The following CGNL1 variants were observed in gnomAD, a reference collection of about 807,000 sequenced individuals.
The protein encoded by CGNL1 is cingulin like 1.
CGNL1 carries 132 observed loss-of-function variants against 141.2 expected under a neutral mutation model. The ratio of observed to expected loss-of-function variants is 0.93; its 90% CI spans 0.81 to 1.08. The LOEUF (loss-of-function observed/expected upper bound fraction) is 1.08, where lower values mean the gene tolerates loss of function less well. Ranked by LOEUF, CGNL1 falls within the 50% of genes least tolerant of loss-of-function variation. CGNL1 has a pLI of 0.00. For missense variants in CGNL1, 1,870 were observed against 1,588.6 expected (o/e 1.18, Z -3.01); for synonymous variants, 690 against 622.1 (o/e 1.11, Z -1.63).
intron 4 of CGNL1, among the ~76,000 whole-genome samples, chr15:57,446,432 C>T (rs1286621280): frequency 1.3e-5 from 2 of 151,996 alleles, no homozygotes; most frequent in Admixed American, 6.5e-5. Context: ...GTAGTTTTGC[C>T]TTTCTTGAAT....
chr15:57,389,311 C>T (rs2062517356), intron 1 of CGNL1, among the ~76,000 whole-genome samples: 1 of 151,940 alleles, frequency 6.6e-6, no homozygotes, highest in Admixed American at 6.6e-5. Flanking sequence ...AAAAACAAAC[C>T]AAAAAAACCT....
chr15:57,458,466 C>T (rs962573812), intron 7 of CGNL1, among the ~76,000 whole-genome samples: 1 of 152,172 alleles, frequency 6.6e-6, no homozygotes, highest in African/African-American at 2.4e-5. Flanking sequence ...AACAGCATGT[C>T]GTTGCAGAAT....
At chr15:57,470,224 G>A (rs1027630772) in intron 8 of CGNL1, among the ~76,000 whole-genome samples, 128 of 137,402 alleles carry the variant, frequency 9.3e-4, no homozygotes, top group African/African-American at 3.2e-3. Flanking sequence ...GAAGATTCAA[G>A]GCTAAAAAAA....
At chr15:57,454,389 TTCTC>T (rs1391408714) in intron 7 of CGNL1, among the ~76,000 whole-genome samples, 2 of 152,224 alleles carry the variant, frequency 1.3e-5, no homozygotes, top group African/African-American at 4.8e-5. Flanking sequence ...CTTAGGTGTT[TTCTC>T]TCTCCCTTAC....
chr15:57,442,863 C>T (rs1294994711), intron 4 of CGNL1, among the ~76,000 whole-genome samples: 1 of 152,208 alleles, frequency 6.6e-6, no homozygotes, highest in East Asian at 1.9e-4. Flanking sequence ...AAGCAATCCA[C>T]TCACGTTGGC....
intron 16 of CGNL1, among the ~76,000 whole-genome samples, chr15:57,545,037 G>A (rs1464242476): frequency 1.3e-5 from 2 of 152,188 alleles, no homozygotes; most frequent in African/African-American, 4.8e-5. Flanking sequence ...CTCCCGCAGT[G>A]TGTGGGAGGG....
At chr15:57,387,676 A>G (rs924917686) in intron 1 of CGNL1, among the ~76,000 whole-genome samples, 1 of 152,224 alleles carries the variant, frequency 6.6e-6, no homozygotes, top group African/African-American at 2.4e-5. Flanking sequence ...AAAGCTTCCC[A>G]CAATGAGAAG....
chr15:57,426,912 C>G (rs1238071919), intron 1 of CGNL1, among the ~76,000 whole-genome samples: 3 of 152,048 alleles, frequency 2.0e-5, no homozygotes, highest in African/African-American at 7.2e-5. Flanking sequence ...GCCAGGGAGC[C>G]TGGGGCAGAA....
At chr15:57,534,618 C>T (rs1280937978) in intron 14 of CGNL1, among the ~76,000 whole-genome samples, 2 of 152,184 alleles carry the variant, frequency 1.3e-5, no homozygotes, top group Non-Finnish European at 2.9e-5. Context: ...GGGCCGTGTG[C>T]CTGTGCTTTC....
chr15:57,523,268 T>A (rs541152632), intron 10 of CGNL1, among the ~76,000 whole-genome samples: 3 of 152,358 alleles, frequency 2.0e-5, no homozygotes, highest in African/African-American at 7.2e-5. Context: ...CCTTCATTCC[T>A]GTGGATGTTT....
At chr15:57,391,413 A>G (rs2062541638) in intron 1 of CGNL1, among the ~76,000 whole-genome samples, 1 of 152,184 alleles carries the variant, frequency 6.6e-6, no homozygotes. Flanking sequence ...GAGGAAGAAA[A>G]GGCTCTAGCC....
chr15:57,524,561 A>G lies in CGNL1; in HGVS notation c.2869-20A>G. ...TCAGAGCATCCCAGGGTGGGCTCACACCCGTGTCACTTCTTCTAGATGGCA... is the reference window on the plus strand; with the variant it reads ...TCAGAGCATCCCAGGGTGGGCTCACGCCCGTGTCACTTCTTCTAGATGGCA... On this transcript the variant is annotated intron_variant, in intron 11 of 18. Transcript: ENST00000281282. 1 of 1,606,630 alleles carries G rather than the reference A, an allele frequency of 6.2e-7. No individual in the cohort carries two copies.
intron 18 of CGNL1, among the ~76,000 whole-genome samples, chr15:57,547,053 A>G (rs1195254717): frequency 1.3e-5 from 2 of 152,244 alleles, no homozygotes; most frequent in Non-Finnish European, 2.9e-5. Context: ...TCCATGGTGA[A>G]CAAGATACCA....
At chr15:57,404,926 T>C (rs1159715624) in intron 1 of CGNL1, 2 of 152,228 alleles carry the variant, frequency 1.3e-5, no homozygotes, top group Non-Finnish European at 2.9e-5. Context: ...TGTGTAATCT[T>C]GGATAAGAAA....
chr15:57,437,494 G>A (rs1409536390), intron 1 of CGNL1, among the ~76,000 whole-genome samples: 2 of 151,870 alleles, frequency 1.3e-5, no homozygotes, highest in African/African-American at 2.4e-5. Context: ...AAAATGGTGA[G>A]CGTCAGAATT....
chr15:57,451,646 G>T lies in CGNL1; in HGVS notation c.1905+45G>T, dbSNP rs773552028. 34 of 1,418,758 alleles carry T rather than the reference G, an allele frequency of 2.4e-5. 2 individuals are homozygous for T. The South Asian group carries it at 4.2e-4, about 17-fold the overall frequency. 87.9% of individuals were successfully genotyped at this position (1,418,758 alleles called of 1,614,324 possible). A position where few individuals can be genotyped will look rare whatever the true frequency, so the allele number is the denominator to read the frequency against. ...TGTTATTTTTTCCATTTCTGTCTTGGTTGATAAAGAATATTTTACATGCAT... is the reference window on the plus strand; with the variant it reads ...TGTTATTTTTTCCATTTCTGTCTTGTTTGATAAAGAATATTTTACATGCAT... On this transcript the variant is annotated intron_variant, in intron 5 of 18. Coordinates refer to ENST00000281282, the MANE Select transcript of CGNL1 (RefSeq NM_032866.5).
At chr15:57,518,936 C>T (rs1346970509) in intron 10 of CGNL1, among the ~76,000 whole-genome samples, 4 of 152,196 alleles carry the variant, frequency 2.6e-5, no homozygotes, top group African/African-American at 7.2e-5. Context: ...GCCTCCGAGG[C>T]GGTGTGGAGT....
rs1427265226 is a variant in CGNL1 at position 57,550,088 on chromosome 15, A to G, written c.*2598A>G. 10 of 152,260 alleles carry G rather than the reference A, an allele frequency of 6.6e-5. No homozygotes were observed. The highest frequency in any genetic ancestry group is 5.9e-5 in the Non-Finnish European group (4 of 68,048). 9.4% of individuals were successfully genotyped at this position (152,260 alleles called of 1,614,324 possible). ...TGCCCATGCAAAGAGAACACAGGTCACTTTTCAAAACACTTGCATCATTAC... is the reference window on the plus strand; with the variant it reads ...TGCCCATGCAAAGAGAACACAGGTCGCTTTTCAAAACACTTGCATCATTAC... On this transcript the variant is annotated 3_prime_UTR_variant, in exon 19 of 19. Coordinates refer to ENST00000281282, the MANE Select transcript of CGNL1 (RefSeq NM_032866.5).
chr15:57,432,580 T>G (rs914604171), intron 1 of CGNL1, among the ~76,000 whole-genome samples: 3 of 152,250 alleles, frequency 2.0e-5, no homozygotes, highest in African/African-American at 7.2e-5. Flanking sequence ...CAGCGTTTAC[T>G]GCCAAATTAT....
Sources: allele counts gnomAD v4.1 joint callset (sites outside exome capture counted in the v4.1 genomes callset), GRCh38; gene constraint gnomAD v4.1.1; transcripts MANE v1.5; gene names NCBI Gene and HGNC (gene_info 2026-07-23, HGNC 2026-07-21).